Variants in SETBP1 observed in about 807,000 individuals in gnomAD.
SETBP1 encodes the protein SET-binding protein.
SETBP1 carries 9 observed loss-of-function variants against 101.0 expected under a neutral mutation model. The observed-to-expected ratio is 0.09, with a 90% CI of 0.05 to 0.16. The LOEUF (loss-of-function observed/expected upper bound fraction) is 0.16. Ranked by LOEUF, SETBP1 falls within the 10% of genes least tolerant of loss-of-function variation. The pLI is 1.00. For synonymous variants in SETBP1, 818 were observed against 788.5 expected, an observed-to-expected ratio of 1.04 and a Z score of -0.63; for missense variants, 1,858 against 2,033.8, an observed-to-expected ratio of 0.91 and a Z score of 1.66.
In SETBP1 at chr18:44,952,542, C is replaced by G. The variant is rs771596949; in HGVS notation, c.3202C>G (p.Gln1068Glu). ...TATGATGAACCTTGGTTATTACGGT[C>G]AGTACCCAGCTCCTTTGTACCTATC... Reference protein sequence around the residue: ...MPMMNLGYYGQYPAPLYLSHT... With the variant: ...MPMMNLGYYGEYPAPLYLSHT... The change falls in exon 4 of 6, where the codon CAG (glutamine) becomes GAG (glutamate). Residue 1068 changes from glutamine (Q) to glutamate (E), a missense_variant. This residue lies in a region of SETBP1 where 255 missense variants were observed against 300.1 expected (regional missense o/e 0.85). Transcript: ENST00000649279. 4 of 1,614,132 alleles carry G rather than the reference C, an allele frequency of 2.5e-6. No individual in the cohort carries two copies. In the South Asian group the frequency reaches 4.4e-5, roughly 18 times the overall value.
rs145391084 is a variant in SETBP1, at chr18:44,853,028, A to G, written c.487-16202A>G. ...CTCTGGGCTGGTGGATGCACTAACA[A>G]ATTTGACCTTGGGGCATTTAATGTT... On this transcript the variant is annotated intron_variant, in intron 2 of 5. Coordinates refer to ENST00000649279, the MANE Select transcript of SETBP1 (RefSeq NM_015559.3). 1.7e-3 allele frequency among the ~76,000 whole-genome samples: 263 copies of G among 152,318 alleles called. 1 individual carries two copies. The highest frequency in any genetic ancestry group is 6.0e-3 in the African/African-American group (250 of 41,568).
intron 2 of SETBP1, among the ~76,000 whole-genome samples, chr18:44,738,106 G>A (rs2070011607): frequency 6.6e-6 from 1 of 152,152 alleles, no homozygotes; most frequent in Non-Finnish European, 1.5e-5. Context: ...CTAGCATGTG[G>A]TGTTCTTTGT....
At chr18:44,680,359 C>CGCCGGGGCCAGCGGA (rs1378416770), upstream of SETBP1, 3 of 151,622 alleles carry the variant, frequency 2.0e-5, no homozygotes, top group African/African-American at 7.3e-5. Flanking sequence ...TCTGAGCGAG[C>CGCCGGGGCCAGCGGA]GCCGGGGCCA....
chr18:44,850,578 T>G (rs972656582), intron 2 of SETBP1, among the ~76,000 whole-genome samples: 2 of 151,916 alleles, frequency 1.3e-5, no homozygotes, highest in Non-Finnish European at 2.9e-5. Flanking sequence ...ACCATATTGG[T>G]CAGGCTGGTC....
intron 3 of SETBP1, among the ~76,000 whole-genome samples, chr18:44,934,485 C>T (rs762954531): frequency 2.6e-5 from 4 of 152,082 alleles, no homozygotes; most frequent in South Asian, 4.1e-4. Flanking sequence ...AGATAAGTAA[C>T]GAGCCTCAGT....
At chr18:44,855,954 G>A (rs1252519463) in intron 2 of SETBP1, among the ~76,000 whole-genome samples, 5 of 152,160 alleles carry the variant, frequency 3.3e-5, no homozygotes, top group Non-Finnish European at 7.3e-5. Flanking sequence ...GTGTGCCTAC[G>A]GGCAGGACTG....
intron 3 of SETBP1, among the ~76,000 whole-genome samples, chr18:44,891,957 TTC>T (rs1239637135): frequency 6.6e-6 from 1 of 152,140 alleles, no homozygotes; most frequent in Non-Finnish European, 1.5e-5. Context: ...AACAGATATA[TTC>T]ATCAAACCCA....
Position 44,952,487 on chromosome 18 carries a change from A to C in SETBP1, c.3147A>C (p.Ala1049=). 6.2e-7 allele frequency: 1 copy of C among 1,613,954 alleles called. No homozygotes were observed. The highest frequency in any genetic ancestry group is 8.5e-7 in the Non-Finnish European group (1 of 1,180,008). Residue 1049 remains alanine, a synonymous_variant, in exon 4 of 6, where the codon GCA becomes GCC. Coordinates refer to ENST00000649279, the MANE Select transcript of SETBP1 (RefSeq NM_015559.3). ...CTATTCCCAGTGGAAGTTACTATGC[A>C]CCCTATGGAATGCCTTACACATCAA... ...SYPIPSGSYY[A]PYGMPYTSMP... is the part of the protein sequence containing the mutation.
At chr18:44,885,917 G>T (rs1599275657) in intron 3 of SETBP1, among the ~76,000 whole-genome samples, 1 of 143,802 alleles carries the variant, frequency 7.0e-6, no homozygotes, top group Admixed American at 7.3e-5. Context: ...TATTCCTTGT[G>T]TCCTCCGTGT....
At chr18:44,972,819 C>T (rs898895833) in intron 4 of SETBP1, among the ~76,000 whole-genome samples, 1 of 152,202 alleles carries the variant, frequency 6.6e-6, no homozygotes, top group Non-Finnish European at 1.5e-5. Context: ...ATGTCATCTG[C>T]AGACAGGGAC....
intron 2 of SETBP1, among the ~76,000 whole-genome samples, chr18:44,707,415 CT>C (rs2069245344): frequency 6.6e-6 from 1 of 152,198 alleles, no homozygotes; most frequent in South Asian, 2.1e-4. Flanking sequence ...AATACAACTT[CT>C]ATTTCATTTC....
intron 5 of SETBP1, among the ~76,000 whole-genome samples, chr18:45,049,262 G>C (rs2073681424): frequency 6.6e-6 from 1 of 152,118 alleles, no homozygotes; most frequent in South Asian, 2.1e-4. Context: ...CAGAAGCTAG[G>C]AGATAGGAAT....
At chr18:44,902,916 C>A (rs1347577324) in intron 3 of SETBP1, among the ~76,000 whole-genome samples, 1 of 151,570 alleles carries the variant, frequency 6.6e-6, no homozygotes, top group African/African-American at 2.4e-5. Flanking sequence ...GTTGTATTGC[C>A]AAATATGGCT....
intron 2 of SETBP1, among the ~76,000 whole-genome samples, chr18:44,786,249 T>G (rs1253898950): frequency 6.6e-6 from 1 of 152,242 alleles, no homozygotes; most frequent in East Asian, 1.9e-4. Flanking sequence ...GCTACAGCGT[T>G]GACATCCTAG....
chr18:44,862,486 C>T (rs893539216), intron 2 of SETBP1, among the ~76,000 whole-genome samples: 1 of 152,070 alleles, frequency 6.6e-6, no homozygotes, highest in Non-Finnish European at 1.5e-5. Context: ...TGGGAAACCA[C>T]CCCCGCGGTC....
intron 5 of SETBP1, among the ~76,000 whole-genome samples, chr18:45,045,210 TC>T (rs2073587709): frequency 6.6e-6 from 1 of 151,892 alleles, no homozygotes; most frequent in African/African-American, 2.4e-5. Context: ...GATCACGAGG[TC>T]AGGAGTTCGA....
chr18:44,765,946 C>T (rs2070756369), intron 2 of SETBP1, among the ~76,000 whole-genome samples: 1 of 152,232 alleles, frequency 6.6e-6, no homozygotes, highest in Non-Finnish European at 1.5e-5. Context: ...TAGAGTTATA[C>T]TTAAGGAAGT....
At chr18:44,684,124 T>C (rs1416287082) in intron 1 of SETBP1, among the ~76,000 whole-genome samples, 1 of 152,160 alleles carries the variant, frequency 6.6e-6, no homozygotes, top group Non-Finnish European at 1.5e-5. Flanking sequence ...CTGGGGTTCC[T>C]GTGAAGGGAG....
chr18:45,042,371 A>C (rs1317160020), intron 5 of SETBP1, among the ~76,000 whole-genome samples: 1 of 152,106 alleles, frequency 6.6e-6, no homozygotes, highest in Non-Finnish European at 1.5e-5. Flanking sequence ...GCTGGTCTCG[A>C]ACTCCTGACC....
Sources: allele counts gnomAD v4.1 joint callset (sites outside exome capture counted in the v4.1 genomes callset), GRCh38; gene constraint gnomAD v4.1.1; regional missense constraint gnomAD v4.1.1; transcripts MANE v1.5; gene names NCBI Gene and HGNC (gene_info 2026-07-23, HGNC 2026-07-21).